MYH7: variants seen among roughly 807,000 people sequenced by gnomAD.
The protein encoded by MYH7 is myosin-7.
MYH7 carries 129 observed loss-of-function variants against 225.4 expected under a neutral mutation model. The ratio of observed to expected loss-of-function variants is 0.57; its 90% CI spans 0.50 to 0.66. MYH7 has a LOEUF of 0.66. MYH7 is among the 30% of genes least tolerant of loss of function. The pLI is 0.00. For synonymous variants in MYH7, 971 were observed against 1,007.6 expected (o/e 0.96, Z 0.69); for missense variants, 1,649 against 2,517.0 (o/e 0.66, Z 7.38).
chr14:23,430,731 C>G, intron 10 of MYH7, 68 bp from the exon 11 acceptor site: 3 of 1,418,180 alleles, frequency 2.1e-6, no homozygotes, highest in Non-Finnish European at 3.0e-6. Flanking sequence ...CTCGCCACAG[C>G]ACATGGCCTG....
Position 23,427,434 on chromosome 14 carries a change from C to T in MYH7, c.1889-127G>A, listed in dbSNP as rs1369969136. 2.7e-6 allele frequency: 4 copies of T among 1,460,778 alleles called. No homozygotes were observed. The South Asian group carries it at 3.6e-5, about 13-fold the overall frequency. The allele number at this position is 1,460,778 out of a possible 1,614,324, so 90.5% of individuals were successfully genotyped here. ...TGGGTGAGGGCCTTCAATGTGGCTG[C>T]CTCAGTTTCTTCACCCAGTTCCATC... is the stretch of plus-strand genomic sequence containing the variant. On this transcript the variant is annotated intron_variant, in intron 16 of 39. Transcript: ENST00000355349.
chr14:23,431,097 G>A (rs1892917224), intron 9 of MYH7, 98 bp from the exon 10 acceptor site: 24 of 906,968 alleles, frequency 2.6e-5, no homozygotes, highest in Non-Finnish European at 1.8e-6. Context: ...GCAGAGGGAA[G>A]GGAAGAGCCA....
At position 23,433,218 on chromosome 14, in the gene MYH7, C is replaced by A; in HGVS notation, c.211G>T (p.Val71Leu). The A allele has an allele frequency of 6.2e-7, 1 of 1,614,150 alleles. No homozygotes were observed. Among genetic ancestry groups the A allele is most frequent in the African/African-American group, 1.3e-5 (1 of 75,028 alleles). Reference protein sequence around the residue: ...AETEYGKTVTVKEDQVMQQNP... With the variant: ...AETEYGKTVTLKEDQVMQQNP... Reference sequence around the variant, plus strand: ...TGCTGCATCACCTGGTCCTCCTTCACGGTCACTGTCTGCAAGAGCCCCCAC... The same window carrying A: ...TGCTGCATCACCTGGTCCTCCTTCAAGGTCACTGTCTGCAAGAGCCCCCAC... Residue 71 changes from valine to leucine, a missense_variant, in exon 4 of 40, where the codon GTG becomes TTG. Val to Leu is a conservative substitution (Grantham distance 32). Coordinates refer to ENST00000355349, the MANE Select transcript of MYH7 (RefSeq NM_000257.4). This position sits in a 1 kb window ranked among gnomAD's most constrained non-coding sequence, Gnocchi z 4.1.
chr14:23,417,858 G>A (rs990862945), intron 30 of MYH7, 172 bp from the exon 31 acceptor site: 13 of 1,023,328 alleles, frequency 1.3e-5, no homozygotes, highest in Non-Finnish European at 1.4e-5. Flanking sequence ...TCCCAGCAGG[G>A]CGTGGAGACC....
chr14:23,427,228 T>G lies in MYH7; in HGVS notation c.1956+12A>C. 6.2e-7 allele frequency: 1 copy of G among 1,613,306 alleles called. No individual in the cohort carries two copies. The highest frequency in any genetic ancestry group is 8.5e-7 in the Non-Finnish European group (1 of 1,180,012). On this transcript the variant is annotated intron_variant, in intron 17 of 39. Coordinates refer to ENST00000355349, the MANE Select transcript of MYH7 (RefSeq NM_000257.4). ...TGGGGAGCCAAGTTGGCTGGGGCTG[T>G]GTCCCACTCACCCTGTGCAGAGCTG...
chr14:23,422,191 C>A lies in MYH7; in HGVS notation c.3234G>T (p.Glu1078Asp). The A allele has an allele frequency of 6.2e-7, 1 of 1,613,064 alleles. No homozygotes were observed. The highest frequency in any genetic ancestry group is 8.5e-7 in the Non-Finnish European group (1 of 1,180,024). The change falls in exon 25 of 40, where the codon GAG becomes GAT. Residue 1078 changes from glutamate to aspartate, a missense_variant. This residue lies in a region of MYH7 where 282 missense variants were observed against 315.3 expected (regional missense o/e 0.89). Coordinates refer to ENST00000355349, the MANE Select transcript of MYH7 (RefSeq NM_000257.4). ...DLENDKQQLD[E>D]RLKKKDFELN... ...AGGGGACACAGTACTTTTTCAGCCG[C>A]TCATCCAGCTGCTGCTTGTCATTCT...
chr14:23,417,709 G>T lies in MYH7; in HGVS notation c.4170-23C>A, dbSNP rs749512163. 18 of 1,611,702 alleles carry T rather than the reference G, an allele frequency of 1.1e-5. No individual in the cohort carries two copies. In the East Asian group the frequency reaches 3.8e-4, roughly 34 times the overall value. On this transcript the variant is annotated intron_variant, in intron 30 of 39. Coordinates refer to ENST00000355349, the MANE Select transcript of MYH7 (RefSeq NM_000257.4). ...TTCCTGCCCAGGGGAGGGTGGCAGA[G>T]GGTGGGGAGGATGGAGGGTGTGGAT... is the stretch of plus-strand genomic sequence containing the variant.
At chr14:23,434,721 AAGTCTGATGACTCT>A (rs1455950146) in intron 1 of MYH7, among the ~76,000 whole-genome samples, 1 of 152,234 alleles carries the variant, frequency 6.6e-6, no homozygotes, top group Non-Finnish European at 1.5e-5. Flanking sequence ...ACTTGAATGC[AAGTCTGATGACTCT>A]AAAGAGACTT....
rs1264976585 is a variant in MYH7, at chr14:23,416,864, A to G, written c.4644+4T>C. Reference sequence around the variant, plus strand: ...TGCACCCCGTGCCCTGCACACACACACACCTCGGCCTCCTCCAGGGCTGAC... The same window carrying G: ...TGCACCCCGTGCCCTGCACACACACGCACCTCGGCCTCCTCCAGGGCTGAC... On this transcript the variant is annotated splice_donor_region_variant and intron_variant, in intron 33 of 39. Coordinates refer to ENST00000355349, the MANE Select transcript of MYH7 (RefSeq NM_000257.4). The G allele has an allele frequency of 2.5e-6, 4 of 1,613,864 alleles. No individual in the cohort carries two copies. The highest frequency in any genetic ancestry group is 3.4e-6 in the Non-Finnish European group (4 of 1,179,952).
At chr14:23,417,924 G>T (rs944536812) in intron 30 of MYH7, 2 of 869,322 alleles carry the variant, frequency 2.3e-6, no homozygotes, top group Non-Finnish European at 4.0e-6. Flanking sequence ...AGGAGGTATG[G>T]GCTTCTGCAG....
intron 15 of MYH7, among the ~76,000 whole-genome samples, chr14:23,428,149 C>T (rs930231221): frequency 6.6e-6 from 1 of 152,162 alleles, no homozygotes; most frequent in African/African-American, 2.4e-5. Context: ...GACCCAGATG[C>T]CTGAGATGCT....
At chr14:23,428,895 G>A (rs755241256) in intron 14 of MYH7, 60 bp downstream of exon 14, 4 of 1,613,016 alleles carry the variant, frequency 2.5e-6, no homozygotes, top group Non-Finnish European at 3.4e-6. Context: ...TAAGCAAATA[G>A]CTGTTGAATG....
intron 24 of MYH7, 23 bp from the exon 25 acceptor site, chr14:23,422,348 C>T: frequency 1.2e-6 from 2 of 1,614,056 alleles, no homozygotes; most frequent in Non-Finnish European, 1.7e-6. Flanking sequence ...AGGAGCCAGG[C>T]CCAGTGAGGC....
intron 16 of MYH7, 21 bp from the exon 17 acceptor site, chr14:23,427,328 A>C (rs1283843078): frequency 9.3e-6 from 15 of 1,613,762 alleles, no homozygotes; most frequent in Non-Finnish European, 1.3e-5. Flanking sequence ...GAGAGTCAAC[A>C]AAAGAAGCAT....
At chr14:23,417,910 A>G in intron 30 of MYH7, 1 of 873,482 alleles carries the variant, frequency 1.1e-6, no homozygotes, top group Non-Finnish European at 2.0e-6. Context: ...CGCTATGGAC[A>G]TTGAGGAGGT....
In MYH7 at chr14:23,425,845, C is replaced by T. The variant is rs376881415; in HGVS notation, c.2163-27G>A. ...TGAGGAGGGAAGTGTCCAGAGTCAC[C>T]CATGCTCTGCAGTGATCTGCTCTGC... On this transcript the variant is annotated intron_variant, in intron 19 of 39. Coordinates refer to ENST00000355349, the MANE Select transcript of MYH7 (RefSeq NM_000257.4). The surrounding 1 kb of genome is among the most constrained non-coding windows in gnomAD (Gnocchi z 4.6). 6.8e-6 allele frequency: 11 copies of T among 1,613,708 alleles called. No individual in the cohort carries two copies. The highest frequency in any genetic ancestry group is 9.3e-6 in the Non-Finnish European group (11 of 1,179,926).
rs370403289 is a variant in MYH7, at chr14:23,418,327, G to A, written c.4052C>T (p.Thr1351Met). ...DLLREQYEEE[T>M]EAKAELQRVL... Reference sequence around the variant, plus strand: ...GCGCTGCAGCTCGGCCTTGGCCTCCGTCTCCTCCTCGTACTGCTCCCGCAG... The same window carrying A: ...GCGCTGCAGCTCGGCCTTGGCCTCCATCTCCTCCTCGTACTGCTCCCGCAG... Residue 1351 changes from threonine (T) to methionine (M), a missense_variant, in exon 30 of 40, where the codon ACG (threonine) becomes ATG (methionine). This residue lies in a region of MYH7 where 687 missense variants were observed against 913.8 expected (regional missense o/e 0.75). Coordinates refer to ENST00000355349, the MANE Select transcript of MYH7 (RefSeq NM_000257.4). The A allele has an allele frequency of 2.3e-5, 37 of 1,613,744 alleles. 1 individual carries two copies. The highest frequency in any genetic ancestry group is 6.7e-5 in the Admixed American group (4 of 60,010).
Position 23,431,479 on chromosome 14 carries a change from C to T in MYH7, c.735G>A (p.Gly245=), listed in dbSNP as rs1487419155. The change falls in exon 9 of 40, where the codon GGG becomes GGA. Residue 245 remains glycine (G), a splice_region_variant and synonymous_variant. Coordinates refer to ENST00000355349, the MANE Select transcript of MYH7 (RefSeq NM_000257.4). ...CCCCAAAATGAATTCGAATGAATTTCCCCTGGAGAGATGGAAGAGAGTGGT... is the reference window on the plus strand; with the variant it reads ...CCCCAAAATGAATTCGAATGAATTTTCCCTGGAGAGATGGAAGAGAGTGGT... ...TVRNDNSSRF[G]KFIRIHFGAT... 2 of 1,614,192 alleles carry T rather than the reference C, an allele frequency of 1.2e-6. No individual in the cohort carries two copies. Among genetic ancestry groups the T allele is most frequent in the Non-Finnish European group, 1.7e-6 (2 of 1,179,996 alleles).
intron 25 of MYH7, chr14:23,421,856 C>A: frequency 1.8e-5 from 16 of 866,816 alleles, no homozygotes; most frequent in Non-Finnish European, 2.1e-5. Flanking sequence ...TCATGTGGAG[C>A]CTTCCTCCAT....
Sources: gnomAD v4.1 joint callset for allele counts (sites outside exome capture counted in the v4.1 genomes callset) on GRCh38, gnomAD v4.1.1 for gene constraint, gnomAD v4.1.1 regional missense constraint, Gnocchi (gnomAD v3.1) non-coding constraint, MANE v1.5 for transcripts, NCBI Gene and HGNC (gene_info 2026-07-23, HGNC 2026-07-21) for gene names.